Variants in MTFMT observed in about 807,000 individuals in gnomAD.
The protein encoded by MTFMT is methionyl-tRNA formyltransferase, mitochondrial.
A neutral mutation model predicts 51.8 loss-of-function variants in MTFMT; 47 were observed. The observed-to-expected ratio is 0.91, with a 90% CI of 0.72 to 1.16. MTFMT has a LOEUF of 1.16. MTFMT is among the 50% of genes most tolerant of loss of function. MTFMT has a pLI of 0.00. For missense variants in MTFMT, 512 were observed against 482.3 expected (o/e 1.06, Z -0.58); for synonymous variants, 196 against 176.7 (o/e 1.11, Z -0.87).
rs765287326 is a variant in MTFMT at position 65,021,597 on chromosome 15, G to A, written c.562C>T (p.Leu188Phe). 3.2e-6 allele frequency: 5 copies of A among 1,584,700 alleles called. No homozygotes were observed. Among genetic ancestry groups the A allele is most frequent in the African/African-American group, 1.3e-5 (1 of 74,504 alleles). The change falls in exon 4 of 9, where the codon CTC becomes TTC. Residue 188 changes from leucine to phenylalanine, a missense_variant. Transcript: ENST00000220058. ...RPKRFDVGPI[L>F]KQETVPVPPK... ...GGCACAGGAACAGTTTCTTGTTTGA[G>A]AATTGGGCCTACATCAAACCTAGCA...
At chr15:65,026,029 T>A (rs2086420771) in intron 2 of MTFMT, 1 of 152,206 alleles carries the variant, frequency 6.6e-6, no homozygotes. Context: ...AGCCCGGGCA[T>A]GGCTGAAGAC....
At chr15:65,028,227 C>G (rs2140492293) in intron 1 of MTFMT, among the ~76,000 whole-genome samples, 2 of 152,216 alleles carry the variant, frequency 1.3e-5, no homozygotes, top group South Asian at 4.1e-4. Context: ...TGAGATAAGC[C>G]TGGGCAACAT....
In MTFMT at chr15:65,013,368, G is replaced by A. The variant is rs183182631; in HGVS notation, c.813+3068C>T. On this transcript the variant is annotated intron_variant, in intron 6 of 8. Coordinates refer to ENST00000220058, the MANE Select transcript of MTFMT (RefSeq NM_139242.4). Reference sequence around the variant, plus strand: ...TGGCCTCAAGCAATCCTCCCGCTCAGCCTCCAAAATACCTGGGACTACAAG... The same window carrying A: ...TGGCCTCAAGCAATCCTCCCGCTCAACCTCCAAAATACCTGGGACTACAAG... Among the ~76,000 whole-genome samples the A allele has an allele frequency of 5.6e-3, 847 of 151,056 alleles. 47 individuals are homozygous for A. The South Asian group carries it at 0.12, about 22-fold the overall frequency.
At chr15:65,016,938 G>C (rs1021975019) in intron 5 of MTFMT, among the ~76,000 whole-genome samples, 79 of 151,800 alleles carry the variant, frequency 5.2e-4, no homozygotes, top group African/African-American at 1.7e-3. Context: ...GCACTACCAT[G>C]CCTGGCTAAT....
intron 7 of MTFMT, 41 bp downstream of exon 7, chr15:65,006,072 A>G (rs1218766932): frequency 3.6e-6 from 5 of 1,401,472 alleles, no homozygotes; most frequent in Non-Finnish European, 5.0e-6. Flanking sequence ...GATACACTAC[A>G]GTGAAAACAG....
intron 8 of MTFMT, among the ~76,000 whole-genome samples, chr15:65,003,748 TGGAAGAC>T (rs1231660737): frequency 7.0e-6 from 1 of 141,884 alleles, no homozygotes; most frequent in Non-Finnish European, 1.5e-5. Context: ...CCCAGCTACT[TGGAAGAC>T]GGAGGCAGGA....
rs760801275 is a variant in MTFMT, at chr15:65,026,867, C to T, written c.383G>A (p.Arg128Gln). The T allele has an allele frequency of 1.2e-5, 20 of 1,613,730 alleles. No homozygotes were observed. The highest frequency in any genetic ancestry group is 9.3e-5 in the African/African-American group (7 of 74,896). Residue 128 changes from arginine (R) to glutamine (Q), a missense_variant, in exon 2 of 9, where the codon CGA becomes CAA. Coordinates refer to ENST00000220058, the MANE Select transcript of MTFMT (RefSeq NM_139242.4). ...YDVGVVASFG[R>Q]LLNEALILKF... Reference sequence around the variant, plus strand: ...AAGAATAAGAGCCTCATTCAAAAGTCGGCCAAACGAAGCCACTACTCCAAC... The same window carrying T: ...AAGAATAAGAGCCTCATTCAAAAGTTGGCCAAACGAAGCCACTACTCCAAC...
intron 1 of MTFMT, among the ~76,000 whole-genome samples, chr15:65,028,022 A>T (rs998518244): frequency 1.3e-5 from 2 of 152,212 alleles, no homozygotes; most frequent in Non-Finnish European, 2.9e-5. Context: ...ACATTTATTA[A>T]ACAGGTATTG....
chr15:65,005,020 T>C (rs1308906968), intron 7 of MTFMT, 84 bp from the exon 8 acceptor site: 1 of 951,540 alleles, frequency 1.1e-6, no homozygotes, highest in Non-Finnish European at 1.7e-6. Context: ...TCAAAAAACA[T>C]CTTGGGAGGC....
chr15:65,020,242 T>C lies in MTFMT; in HGVS notation c.676A>G (p.Ser226Gly), dbSNP rs1472181771. Residue 226 changes from serine to glycine, a missense_variant, in exon 5 of 9, where the codon AGT (serine) becomes GGT (glycine). Coordinates refer to ENST00000220058, the MANE Select transcript of MTFMT (RefSeq NM_139242.4). ...LISVLKNLPE[S>G]LSNGRQQPME... ...GGCTGCTGCCTTCCATTGCTCAGAC[T>C]TTCAGGCAAATTTTTCAAAACTGAA... 6.8e-6 allele frequency: 11 copies of C among 1,612,410 alleles called. No individual in the cohort carries two copies. Among genetic ancestry groups the C allele is most frequent in the Non-Finnish European group, 9.3e-6 (11 of 1,179,600 alleles).
At position 65,002,535 on chromosome 15, in the gene MTFMT, T is replaced by A. The variant is rs2086184595; in HGVS notation, c.*527A>T. The A allele has an allele frequency of 6.6e-6, 1 of 152,258 alleles. No homozygotes were observed. The highest frequency in any genetic ancestry group is 2.4e-5 in the African/African-American group (1 of 41,462). 9.4% of individuals were successfully genotyped at this position (152,258 alleles called of 1,614,324 possible). A position where few individuals can be genotyped will look rare whatever the true frequency, so the allele number is the denominator to read the frequency against. On this transcript the variant is annotated 3_prime_UTR_variant, in exon 9 of 9. Transcript: ENST00000220058. ...TTTCGTATCATAAATACAAGTTTTA[T>A]TTAAACTTTTTTGTAATTCAAGTAA... is the stretch of plus-strand genomic sequence containing the variant.
chr15:65,029,005 T>C lies in MTFMT; in HGVS notation c.209+400A>G, dbSNP rs545873625. On this transcript the variant is annotated intron_variant, in intron 1 of 8. Transcript: ENST00000220058. ...GGAACTTTGAAGTGGGACCTGGTTT[T>C]AGTCCGAACCACCTCGGCTGATGAC... Among the ~76,000 whole-genome samples the C allele has an allele frequency of 9.9e-5, 15 of 152,228 alleles. 1 individual carries two copies. The South Asian group carries it at 3.1e-3, about 32-fold the overall frequency.
chr15:65,028,176 T>C (rs1213098257), intron 1 of MTFMT, among the ~76,000 whole-genome samples: 1 of 152,206 alleles, frequency 6.6e-6, no homozygotes, highest in Non-Finnish European at 1.5e-5. Context: ...TCTCAGCACT[T>C]TGGGAGGCCA....
At chr15:65,022,997 A>T (rs954080897) in intron 3 of MTFMT, among the ~76,000 whole-genome samples, 2 of 152,116 alleles carry the variant, frequency 1.3e-5, no homozygotes, top group Non-Finnish European at 1.5e-5. Context: ...CTCAGATTTT[A>T]GAACTACCAA....
chr15:65,020,144 T>A, intron 5 of MTFMT, 53 bp downstream of exon 5: 1 of 1,512,048 alleles, frequency 6.6e-7, no homozygotes, highest in South Asian at 1.2e-5. Context: ...TCAGATGCTA[T>A]CGTGACAAGC....
At chr15:65,028,220 G>C (rs985070016) in intron 1 of MTFMT, among the ~76,000 whole-genome samples, 1 of 152,128 alleles carries the variant, frequency 6.6e-6, no homozygotes, top group Non-Finnish European at 1.5e-5. Flanking sequence ...AGGAGTTTGA[G>C]ATAAGCCTGG....
At chr15:65,029,247 C>T (rs1487559388) in intron 1 of MTFMT, 158 bp downstream of exon 1, 5 of 984,152 alleles carry the variant, frequency 5.1e-6, no homozygotes, top group African/African-American at 1.7e-5. Flanking sequence ...GCGGGAATGG[C>T]GCACCTTCTG....
intron 5 of MTFMT, among the ~76,000 whole-genome samples, chr15:65,018,377 G>A (rs1303457183): frequency 6.6e-6 from 1 of 152,126 alleles, no homozygotes; most frequent in East Asian, 1.9e-4. Flanking sequence ...TTGTAATGCT[G>A]AAATGATGTT....
intron 7 of MTFMT, 41 bp from the exon 8 acceptor site, chr15:65,004,977 G>A (rs1313498342): frequency 7.2e-7 from 1 of 1,387,374 alleles, no homozygotes; most frequent in Non-Finnish European, 1.0e-6. Context: ...AGAGAAAAAA[G>A]CAATTATGCA....
Sources: gnomAD v4.1 joint callset for allele counts (sites outside exome capture counted in the v4.1 genomes callset) on GRCh38, gnomAD v4.1.1 for gene constraint, MANE v1.5 for transcripts, NCBI Gene and HGNC (gene_info 2026-07-23, HGNC 2026-07-21) for gene names.